Variants in COL4A3 observed in about 807,000 individuals in gnomAD.
The protein encoded by COL4A3 is collagen type IV alpha 3 chain.
COL4A3 carries 135 observed loss-of-function variants against 217.4 expected under a neutral mutation model. That is an observed-to-expected ratio of 0.62 (90% CI 0.54 to 0.72). The LOEUF (loss-of-function observed/expected upper bound fraction) is 0.72, where lower values mean the gene tolerates loss of function less well. COL4A3 is among the 30% of genes least tolerant of loss of function. COL4A3 has a pLI of 0.00. For synonymous variants in COL4A3, 690 were observed against 736.3 expected (o/e 0.94, Z 1.02); for missense variants, 1,868 against 2,119.9 (o/e 0.88, Z 2.33).
intron 1 of COL4A3, among the ~76,000 whole-genome samples, chr2:227,174,426 A>G (rs1350846516): frequency 2.6e-5 from 4 of 152,226 alleles, no homozygotes; most frequent in African/African-American, 7.2e-5. Flanking sequence ...TGGTGACAAC[A>G]TATTTATAGC....
chr2:227,191,954 C>G lies in COL4A3; in HGVS notation c.87+27141C>G, dbSNP rs6436661. On this transcript the variant is annotated intron_variant, in intron 1 of 51. Transcript: ENST00000396578. This position sits in a 1 kb window ranked among gnomAD's most constrained non-coding sequence, Gnocchi z 6.8. ...AATTGTGGAAAGGGAAAAAAATTAT[C>G]GAAGGAAAGTCATATTTCCTTAAAT... Among the ~76,000 whole-genome samples, 1 of 152,086 alleles carries G rather than the reference C, an allele frequency of 6.6e-6. No homozygotes were observed. The highest frequency in any genetic ancestry group is 1.5e-5 in the Non-Finnish European group (1 of 68,024).
chr2:227,213,469 TA>T (rs2067401677), intron 1 of COL4A3, among the ~76,000 whole-genome samples: 1 of 152,146 alleles, frequency 6.6e-6, no homozygotes, highest in South Asian at 2.1e-4. Context: ...TCTAAAAATG[TA>T]AAGCCATTAT....
At chr2:227,249,230 A>ATATATTTTTTTTTTTT in intron 9 of COL4A3, among the ~76,000 whole-genome samples, 5 of 14,690 alleles carry the variant, frequency 3.4e-4, no homozygotes, top group African/African-American at 5.3e-4. Flanking sequence ...ATATATATAT[A>ATATATTTTTTTTTTTT]TTTTTTTTTT....
At chr2:227,278,028 C>T (rs911880883) in intron 28 of COL4A3, among the ~76,000 whole-genome samples, 1 of 151,978 alleles carries the variant, frequency 6.6e-6, no homozygotes, top group African/African-American at 2.4e-5. Flanking sequence ...TAGAAGGAAA[C>T]TCACCAAAAT....
intron 33 of COL4A3, 70 bp from the exon 34 acceptor site, chr2:227,284,141 T>G: frequency 6.2e-7 from 1 of 1,603,666 alleles, no homozygotes; most frequent in Non-Finnish European, 8.5e-7. Context: ...TAGTAAGCAC[T>G]GCCAACTTTT....
In COL4A3 at chr2:227,256,347, T is replaced by G; in HGVS notation, c.938T>G (p.Val313Gly). The change falls in exon 17 of 52, where the codon GTC (valine) becomes GGC (glycine). Residue 313 changes from valine to glycine, a missense_variant. Coordinates refer to ENST00000396578, the MANE Select transcript of COL4A3 (RefSeq NM_000091.5). ...TCTTTTTGTTCTTTTCTTTAGGGAG[T>G]CAAGGGCAACAGGGGTTTCCCTGGG... ...GVPGFPGSEG[V>G]KGNRGFPGLM... 2 of 1,613,588 alleles carry G rather than the reference T, an allele frequency of 1.2e-6. No individual in the cohort carries two copies. Among genetic ancestry groups the G allele is most frequent in the Non-Finnish European group, 1.7e-6 (2 of 1,179,574 alleles).
chr2:227,235,006 CA>C (rs879287391), intron 1 of COL4A3, among the ~76,000 whole-genome samples: 1 of 152,186 alleles, frequency 6.6e-6, no homozygotes, highest in African/African-American at 2.4e-5. Context: ...CACTTGAGCC[CA>C]AGGTCCATGC....
chr2:227,272,939 G>A lies in COL4A3; in HGVS notation c.1759-10G>A, dbSNP rs2125996121. Reference sequence around the variant, plus strand: ...TGAAGCACGATTCAAACACATTCCTGTTGTCACAGGCTCTGAGTGGTGAGA... The same window carrying A: ...TGAAGCACGATTCAAACACATTCCTATTGTCACAGGCTCTGAGTGGTGAGA... On this transcript the variant is annotated splice_polypyrimidine_tract_variant and intron_variant, in intron 25 of 51. Coordinates refer to ENST00000396578, the MANE Select transcript of COL4A3 (RefSeq NM_000091.5). 1.2e-6 allele frequency: 2 copies of A among 1,613,992 alleles called. No individual in the cohort carries two copies. Among genetic ancestry groups the A allele is most frequent in the South Asian group, 1.1e-5 (1 of 91,080 alleles).
intron 1 of COL4A3, among the ~76,000 whole-genome samples, chr2:227,165,718 G>T (rs927116914): frequency 6.6e-6 from 1 of 152,108 alleles, no homozygotes; most frequent in African/African-American, 2.4e-5. Context: ...ATTATGATTG[G>T]AAATTAACGG....
intron 7 of COL4A3, 145 bp downstream of exon 7, chr2:227,246,883 T>C: frequency 1.3e-6 from 1 of 787,008 alleles, no homozygotes; most frequent in Non-Finnish European, 2.3e-6. Flanking sequence ...AGTTAGGGAA[T>C]GGATGAATAC....
rs966583523 is a variant in COL4A3 at position 227,254,114 on chromosome 2, C to T, written c.768C>T (p.Asp256=). 9.9e-6 allele frequency: 16 copies of T among 1,613,736 alleles called. No homozygotes were observed. Among genetic ancestry groups the T allele is most frequent in the Admixed American group, 3.3e-5 (2 of 59,994 alleles). The change falls in exon 14 of 52, where the codon GAC becomes GAT. Residue 256 remains aspartate (D), a splice_region_variant and synonymous_variant. Coordinates refer to ENST00000396578, the MANE Select transcript of COL4A3 (RefSeq NM_000091.5). The stretch of plus-strand genomic sequence containing the variant: ...ATGTTGAACTGTTTCTTTGGCAGGA[C>T]CTCAAGGGGGAAAAGGGAGACAAGG... The part of the protein sequence containing the change: ...VTLTGPDNRT[D]LKGEKGDKGA...
intron 1 of COL4A3, among the ~76,000 whole-genome samples, chr2:227,179,102 C>A (rs2065787763): frequency 6.6e-6 from 1 of 152,058 alleles, no homozygotes. Flanking sequence ...CAGATGCATG[C>A]CACCACACCT....
chr2:227,183,630 G>A (rs1328106949), intron 1 of COL4A3, among the ~76,000 whole-genome samples: 2 of 152,152 alleles, frequency 1.3e-5, no homozygotes, highest in Non-Finnish European at 2.9e-5. Context: ...TATGTCCAAG[G>A]TCAACAGGCA....
chr2:227,203,261 A>G (rs1012454692), intron 1 of COL4A3, among the ~76,000 whole-genome samples: 4 of 32,954 alleles, frequency 1.2e-4, no homozygotes, highest in Middle Eastern at 0.038. Flanking sequence ...GTATATATAC[A>G]TATATGTGTA....
chr2:227,303,230 A>G, intron 44 of COL4A3, 120 bp downstream of exon 44: 1 of 794,276 alleles, frequency 1.3e-6, no homozygotes, highest in Non-Finnish European at 2.2e-6. Flanking sequence ...GGACCTCAAT[A>G]CGAGTGAAGT....
intron 1 of COL4A3, among the ~76,000 whole-genome samples, chr2:227,189,415 C>G (rs1236285442): frequency 6.6e-6 from 1 of 151,958 alleles, no homozygotes; most frequent in Non-Finnish European, 1.5e-5. Flanking sequence ...AACACAGTGA[C>G]CAAGAGGGTG....
Position 227,164,953 on chromosome 2 carries a change from G to A in COL4A3, c.87+140G>A. On this transcript the variant is annotated intron_variant, in intron 1 of 51. Transcript: ENST00000396578. This position sits in a 1 kb window ranked among gnomAD's most constrained non-coding sequence, Gnocchi z 4.8. Reference sequence around the variant, plus strand: ...TGGCGAGGCTGAGGGCTTCACGCAGGTCCCGGGACAGGCAGCGAGCGGAAG... The same window carrying A: ...TGGCGAGGCTGAGGGCTTCACGCAGATCCCGGGACAGGCAGCGAGCGGAAG... 9.2e-7 allele frequency: 1 copy of A among 1,085,694 alleles called. No individual in the cohort carries two copies. Among genetic ancestry groups the A allele is most frequent in the Non-Finnish European group, 1.2e-6 (1 of 803,080 alleles). 67.3% of individuals were successfully genotyped at this position (1,085,694 alleles called of 1,614,324 possible).
chr2:227,226,915 C>T (rs2068125658), intron 1 of COL4A3, among the ~76,000 whole-genome samples: 1 of 152,334 alleles, frequency 6.6e-6, no homozygotes, highest in South Asian at 2.1e-4. Flanking sequence ...AAAATGAAGG[C>T]TACTATGCAG....
At chr2:227,254,366 C>T (rs949127807) in intron 14 of COL4A3, among the ~76,000 whole-genome samples, 192 bp downstream of exon 14, 3 of 151,944 alleles carry the variant, frequency 2.0e-5, no homozygotes, top group Admixed American at 6.6e-5. Flanking sequence ...AACATTTGAC[C>T]GCAGAGATCA....
Sources: gnomAD v4.1 joint callset for allele counts (sites outside exome capture counted in the v4.1 genomes callset) on GRCh38, gnomAD v4.1.1 for gene constraint, Gnocchi (gnomAD v3.1) non-coding constraint, MANE v1.5 for transcripts, NCBI Gene and HGNC (gene_info 2026-07-23, HGNC 2026-07-21) for gene names.